PTPRT: variants seen among roughly 807,000 people sequenced by gnomAD.
PTPRT encodes protein tyrosine phosphatase receptor type T.
PTPRT carries 56 observed loss-of-function variants against 176.8 expected under a neutral mutation model. That is an observed-to-expected ratio of 0.32 (90% CI 0.26 to 0.40). The LOEUF is 0.40. Among genes scored for constraint, PTPRT ranks in the 10% least tolerant of loss-of-function variants. The probability of loss-of-function intolerance (pLI) is 1.00; values close to 1 mark genes in which losing one functional copy is unlikely to be tolerated. For missense variants in PTPRT, 1,540 were observed against 1,908.2 expected, an observed-to-expected ratio of 0.81 and a Z score of 3.60; for synonymous variants, 783 against 739.0, an observed-to-expected ratio of 1.06 and a Z score of -0.96.
At position 43,183,948 on chromosome 20, in the gene PTPRT, T is replaced by C. The variant is rs537619873; in HGVS notation, c.88+5698A>G. Among the ~76,000 whole-genome samples, 18 of 152,382 alleles carry C rather than the reference T, an allele frequency of 1.2e-4. No individual in the cohort carries two copies. In the South Asian group the frequency reaches 3.1e-3, roughly 26 times the overall value. On this transcript the variant is annotated intron_variant, in intron 1 of 30. Coordinates refer to ENST00000373187, the MANE Select transcript of PTPRT (RefSeq NM_007050.6). ...TTCAGGTTTTGGCTTCTGTGAATAA[T>C]GCTGCTACAAACATTCATGCTCGTG...
At chr20:42,433,418 G>A (rs34359825) in intron 9 of PTPRT, among the ~76,000 whole-genome samples, 1 of 152,306 alleles carries the variant, frequency 6.6e-6, no homozygotes, top group East Asian at 1.9e-4. Flanking sequence ...AGAGACAGCA[G>A]GCAGGGTATA....
intron 1 of PTPRT, among the ~76,000 whole-genome samples, chr20:42,894,805 G>T (rs1335121458): frequency 6.6e-6 from 1 of 152,190 alleles, no homozygotes; most frequent in Non-Finnish European, 1.5e-5. Context: ...GGAGGACCAG[G>T]CATAGGGGGT....
At chr20:42,849,866 C>G (rs777510145) in intron 2 of PTPRT, among the ~76,000 whole-genome samples, 4 of 152,222 alleles carry the variant, frequency 2.6e-5, no homozygotes, top group Non-Finnish European at 5.9e-5. Flanking sequence ...ATGTCTACCC[C>G]TTTAAATCTC....
At chr20:43,079,741 C>A (rs561388958) in intron 1 of PTPRT, among the ~76,000 whole-genome samples, 3 of 152,074 alleles carry the variant, frequency 2.0e-5, no homozygotes, top group Non-Finnish European at 4.4e-5. Context: ...TTTGTTGAAC[C>A]CTCTACTGCT....
intron 6 of PTPRT, among the ~76,000 whole-genome samples, chr20:42,750,379 C>G (rs1267750277): frequency 6.6e-6 from 1 of 152,008 alleles, no homozygotes; most frequent in Non-Finnish European, 1.5e-5. Flanking sequence ...TTTTCTCCCT[C>G]TCATAGGACC....
At chr20:42,853,384 T>C (rs1381060217) in intron 2 of PTPRT, among the ~76,000 whole-genome samples, 1 of 152,044 alleles carries the variant, frequency 6.6e-6, no homozygotes, top group East Asian at 1.9e-4. Context: ...AAGCCAGTGG[T>C]ATAATTTAGT....
chr20:43,147,552 G>C (rs896133393), intron 1 of PTPRT, among the ~76,000 whole-genome samples: 1 of 152,142 alleles, frequency 6.6e-6, no homozygotes, highest in Non-Finnish European at 1.5e-5. Flanking sequence ...AAGGAATTAA[G>C]TAATATTTAT....
In PTPRT at chr20:42,577,969, G is replaced by GTGTGTGTGTGTA. The variant is rs564005742; in HGVS notation, c.1153+99896_1153+99897insTACACACACACA. 9.2e-3 allele frequency among the ~76,000 whole-genome samples: 1,291 copies of GTGTGTGTGTGTA among 140,388 alleles called. 72 individuals are homozygous for GTGTGTGTGTGTA. Among genetic ancestry groups the GTGTGTGTGTGTA allele is most frequent in the African/African-American group, 0.033 (1,186 of 35,808 alleles). The allele number at this position is 140,388 out of a possible 152,430, so 92.1% of individuals were successfully genotyped here. Reference sequence around the variant, plus strand: ...TGTGTGTGTGTGTGTGTGTGTGTGTGTAGGCATACCCACATGTGTGTGAAT... The same window carrying GTGTGTGTGTGTA: ...TGTGTGTGTGTGTGTGTGTGTGTGTGTGTGTGTGTGTATAGGCATACCCACATGTGTGTGAAT... On this transcript the variant is annotated intron_variant, in intron 7 of 30. Transcript: ENST00000373187.
intron 7 of PTPRT, among the ~76,000 whole-genome samples, chr20:42,649,340 A>G (rs958562553): frequency 6.6e-6 from 1 of 152,066 alleles, no homozygotes; most frequent in South Asian, 2.1e-4. Context: ...CGATTCAATT[A>G]CCTCTCACTG....
intron 6 of PTPRT, among the ~76,000 whole-genome samples, chr20:42,718,924 A>G (rs2076266520): frequency 6.6e-6 from 1 of 152,256 alleles, no homozygotes. Context: ...ATGCAGTGAT[A>G]CTAGTGATGG....
chr20:42,060,350 T>A, the PTPRT span, among the ~76,000 whole-genome samples: 1 of 152,160 alleles, frequency 6.6e-6, no homozygotes, highest in African/African-American at 2.4e-5. Context: ...ACAGGATTAG[T>A]GGCTTTGTCC....
intron 1 of PTPRT, among the ~76,000 whole-genome samples, chr20:42,954,486 C>T (rs1274586875): frequency 6.6e-6 from 1 of 152,148 alleles, no homozygotes; most frequent in Admixed American, 6.5e-5. Context: ...ACGATACATG[C>T]AACAGTTTGC....
intron 6 of PTPRT, among the ~76,000 whole-genome samples, chr20:42,714,005 C>T (rs2076185786): frequency 6.6e-6 from 1 of 152,170 alleles, no homozygotes; most frequent in Non-Finnish European, 1.5e-5. Context: ...TATCCAGTCT[C>T]AGGTATTTCT....
intron 2 of PTPRT, among the ~76,000 whole-genome samples, chr20:42,859,852 A>C (rs1013855280): frequency 1.3e-5 from 2 of 151,686 alleles, no homozygotes; most frequent in African/African-American, 2.4e-5. Flanking sequence ...TGGGCCTCCT[A>C]AAGTGCTGGG....
intron 9 of PTPRT, among the ~76,000 whole-genome samples, chr20:42,425,875 T>C (rs930721866): frequency 5.9e-5 from 9 of 152,100 alleles, no homozygotes; most frequent in African/African-American, 1.7e-4. Flanking sequence ...GCGTTATCAA[T>C]GTGCAAAGAA....
At chr20:42,375,964 C>G (rs773898275) in intron 9 of PTPRT, among the ~76,000 whole-genome samples, 2 of 152,078 alleles carry the variant, frequency 1.3e-5, no homozygotes, top group Non-Finnish European at 2.9e-5. Context: ...CCACCATAAC[C>G]AATAAAGCAG....
intron 1 of PTPRT, among the ~76,000 whole-genome samples, chr20:42,971,755 G>A (rs919096002): frequency 6.6e-6 from 1 of 152,100 alleles, no homozygotes; most frequent in African/African-American, 2.4e-5. Context: ...ACTTAGACCC[G>A]AGGTAACTTT....
intron 1 of PTPRT, among the ~76,000 whole-genome samples, chr20:43,186,370 G>A (rs550002515): frequency 4.6e-5 from 7 of 152,156 alleles, no homozygotes; most frequent in African/African-American, 1.4e-4. Context: ...TATAGCTGCC[G>A]TGAGACTCTA....
At chr20:42,871,674 A>ATCCAACTTCTT (rs60147474) in intron 2 of PTPRT, among the ~76,000 whole-genome samples, 48,101 of 151,858 alleles carry the variant, frequency 0.32, 8,426 homozygotes, top group African/African-American at 0.48. Flanking sequence ...TAAGTTAAGG[A>ATCCAACTTCTT]TCTGCTACAT....
Sources: gnomAD v4.1 joint callset for allele counts (sites outside exome capture counted in the v4.1 genomes callset) on GRCh38, gnomAD v4.1.1 for gene constraint, MANE v1.5 for transcripts, NCBI Gene and HGNC (gene_info 2026-07-23, HGNC 2026-07-21) for gene names.